Variants in MYT1L observed in about 807,000 individuals in gnomAD.
MYT1L encodes the protein myelin transcription factor 1-like protein.
In MYT1L, 12 loss-of-function variants were observed where a neutral mutation model predicts 126.7. That is an observed-to-expected ratio of 0.09 (90% CI 0.06 to 0.15). The LOEUF (loss-of-function observed/expected upper bound fraction) is 0.15, where lower values mean the gene tolerates loss of function less well. Among genes scored for constraint, MYT1L ranks in the 10% least tolerant of loss-of-function variants. The pLI, the probability that MYT1L is intolerant of heterozygous loss-of-function variation, is 1.00. For synonymous variants in MYT1L, 541 were observed against 604.2 expected, an observed-to-expected ratio of 0.90 and a Z score of 1.53; for missense variants, 979 against 1,585.2, an observed-to-expected ratio of 0.62 and a Z score of 6.49.
intron 4 of MYT1L, among the ~76,000 whole-genome samples, chr2:2,021,390 GTT>G (rs930584021): frequency 6.6e-6 from 1 of 152,166 alleles, no homozygotes; most frequent in Non-Finnish European, 1.5e-5. Flanking sequence ...CTTTTAAAGG[GTT>G]TATGTAGGGA....
chr2:2,288,575 G>A lies in MYT1L; in HGVS notation c.-520-4072C>T, dbSNP rs185868259. Among the ~76,000 whole-genome samples, 169 of 152,274 alleles carry A rather than the reference G, an allele frequency of 1.1e-3. 1 individual carries two copies. Among genetic ancestry groups the A allele is most frequent in the Non-Finnish European group, 1.8e-3 (120 of 68,018 alleles). On this transcript the variant is annotated intron_variant, in intron 1 of 24. Coordinates refer to ENST00000647738, the MANE Select transcript of MYT1L (RefSeq NM_001303052.2). ...TGTAAAATATCTCATTGATCATTAT[G>A]TATTGATTGCTTGTTGATATTATCA...
At position 1,792,360 on chromosome 2, in the gene MYT1L, A is replaced by C; in HGVS notation, c.3381T>G (p.Ser1127=). ...GGATGTTAGCCAGGCTGTGGATCAG[A>C]GACTGGCTCAGGTTCGCCAGCTCGT... ...LLHELANLSQ[S]LIHSLANIQL... Residue 1127 remains serine (S), a synonymous_variant, in exon 24 of 25, where the codon TCT becomes TCG. Coordinates refer to ENST00000647738, the MANE Select transcript of MYT1L (RefSeq NM_001303052.2). 1 of 1,609,036 alleles carries C rather than the reference A, an allele frequency of 6.2e-7. No individual in the cohort carries two copies. Among genetic ancestry groups the C allele is most frequent in the Non-Finnish European group, 8.5e-7 (1 of 1,177,756 alleles).
chr2:1,996,793 C>T (rs1330354636), intron 5 of MYT1L, among the ~76,000 whole-genome samples: 469 of 30,730 alleles, frequency 0.015, no homozygotes, highest in Admixed American at 0.02. Flanking sequence ...ACCTAGTGAG[C>T]GAGGGCCGCC....
chr2:2,109,482 G>A (rs1005167485), intron 3 of MYT1L, among the ~76,000 whole-genome samples: 2 of 152,088 alleles, frequency 1.3e-5, no homozygotes, highest in African/African-American at 2.4e-5. Context: ...GGCACCTGCC[G>A]GGCCTCAGAA....
intron 2 of MYT1L, among the ~76,000 whole-genome samples, chr2:2,262,939 GATATAT>G (rs60682131): frequency 1.9e-5 from 1 of 51,964 alleles, no homozygotes. Flanking sequence ...TATAACCTGT[GATATAT>G]ATATATATAT....
intron 1 of MYT1L, chr2:2,323,943 T>A (rs2096210374): frequency 6.6e-6 from 1 of 152,230 alleles, no homozygotes; most frequent in Non-Finnish European, 1.5e-5. Context: ...CAGAAAATAT[T>A]AATTAAACAC....
At position 2,218,019 on chromosome 2, in the gene MYT1L, G is replaced by A. The variant is rs569051756; in HGVS notation, c.-420-45031C>T. On this transcript the variant is annotated intron_variant, in intron 2 of 24. Transcript: ENST00000647738. ...GAAATGCCAACTAAAACCACAACAC[G>A]ATGTCCTACTAACTGTTAGAATGCT... 2.0e-4 allele frequency among the ~76,000 whole-genome samples: 31 copies of A among 152,252 alleles called. No individual in the cohort carries two copies. The South Asian group carries it at 5.6e-3, about 28-fold the overall frequency.
intron 3 of MYT1L, among the ~76,000 whole-genome samples, chr2:2,163,181 C>T (rs1220828461): frequency 6.6e-6 from 1 of 152,122 alleles, no homozygotes; most frequent in African/African-American, 2.4e-5. Flanking sequence ...GTTCTGGGAC[C>T]ACCTCCATTA....
chr2:1,854,885 C>G (rs997929228), intron 18 of MYT1L, among the ~76,000 whole-genome samples: 3 of 152,188 alleles, frequency 2.0e-5, no homozygotes, highest in Non-Finnish European at 4.4e-5. Flanking sequence ...TCAGGCTGCC[C>G]TCAACGTCCT....
At chr2:2,058,123 T>C (rs1035320363) in intron 3 of MYT1L, among the ~76,000 whole-genome samples, 8 of 152,250 alleles carry the variant, frequency 5.3e-5, no homozygotes, top group African/African-American at 1.9e-4. Context: ...GTGTTTTATG[T>C]CACTCATTCT....
At chr2:1,857,189 A>G (rs2044024428) in intron 18 of MYT1L, among the ~76,000 whole-genome samples, 1 of 152,248 alleles carries the variant, frequency 6.6e-6, no homozygotes, top group Non-Finnish European at 1.5e-5. Context: ...ACTGCGGGCC[A>G]AGACCCAGTG....
chr2:2,275,245 T>TGTGTGTGC (rs1491327313), intron 2 of MYT1L, among the ~76,000 whole-genome samples: 2 of 148,020 alleles, frequency 1.4e-5, no homozygotes, highest in African/African-American at 5.0e-5. Context: ...TGTGTGTGTG[T>TGTGTGTGC]GCATGCCTGT....
chr2:2,238,426 T>C (rs1024963057), intron 2 of MYT1L, among the ~76,000 whole-genome samples: 1 of 152,212 alleles, frequency 6.6e-6, no homozygotes, highest in African/African-American at 2.4e-5. Flanking sequence ...GTTTCAGATG[T>C]ATCTGTAGTG....
intron 13 of MYT1L, among the ~76,000 whole-genome samples, chr2:1,905,837 T>C (rs912977303): frequency 2.6e-5 from 4 of 152,220 alleles, no homozygotes; most frequent in African/African-American, 9.6e-5. Context: ...GTGCAAACAA[T>C]ATTTTGATTG....
chr2:2,016,714 A>G (rs1355680415), intron 4 of MYT1L, among the ~76,000 whole-genome samples: 1 of 152,264 alleles, frequency 6.6e-6, no homozygotes, highest in East Asian at 1.9e-4. Flanking sequence ...CATGCTGGAT[A>G]AGAAAAGCAA....
intron 8 of MYT1L, among the ~76,000 whole-genome samples, chr2:1,947,282 T>C (rs1160472646): frequency 6.6e-6 from 1 of 152,170 alleles, no homozygotes; most frequent in Non-Finnish European, 1.5e-5. Context: ...ATGGCTCACT[T>C]GTTGTTCAGA....
chr2:2,240,397 T>TA lies in MYT1L; in HGVS notation c.-421+44006dup, dbSNP rs75494166. Among the ~76,000 whole-genome samples, 1,995 of 151,606 alleles carry TA rather than the reference T, an allele frequency of 0.013. 113 individuals are homozygous for TA. The East Asian group carries it at 0.16, about 12-fold the overall frequency. On this transcript the variant is annotated intron_variant, in intron 2 of 24. Coordinates refer to ENST00000647738, the MANE Select transcript of MYT1L (RefSeq NM_001303052.2). ...AAGTATGGTAACACAGACTCATTTT[T>TA]AAAAAAAAAGAAATGTAAATGATCA...
chr2:1,937,092 C>G (rs983153241), intron 9 of MYT1L, among the ~76,000 whole-genome samples: 9 of 152,182 alleles, frequency 5.9e-5, no homozygotes, highest in Admixed American at 3.9e-4. Context: ...AGGACAGAGC[C>G]TGATACTAGA....
intron 2 of MYT1L, among the ~76,000 whole-genome samples, chr2:2,205,354 A>AT (rs1196167645): frequency 6.6e-6 from 1 of 152,132 alleles, no homozygotes; most frequent in Non-Finnish European, 1.5e-5. Flanking sequence ...TCCTTTATTC[A>AT]TTTTTTACTA....
Sources: gnomAD v4.1 joint callset for allele counts (sites outside exome capture counted in the v4.1 genomes callset) on GRCh38, gnomAD v4.1.1 for gene constraint, MANE v1.5 for transcripts, NCBI Gene and HGNC (gene_info 2026-07-23, HGNC 2026-07-21) for gene names.